The following DHX15 variants were observed in gnomAD, a reference collection of about 807,000 sequenced individuals.
The protein encoded by DHX15 is ATP-dependent RNA helicase DHX15.
In DHX15, 11 loss-of-function variants were observed where a neutral mutation model predicts 94.4. The ratio of observed to expected loss-of-function variants is 0.12; its 90% CI spans 0.07 to 0.19. The LOEUF (loss-of-function observed/expected upper bound fraction) is 0.19, where lower values mean the gene tolerates loss of function less well. Ranked by LOEUF, DHX15 falls within the 10% of genes least tolerant of loss-of-function variation. The pLI, the probability that DHX15 is intolerant of heterozygous loss-of-function variation, is 1.00. For missense variants in DHX15, 304 were observed against 988.5 expected (o/e 0.31, Z 9.29); for synonymous variants, 338 against 329.9 (o/e 1.02, Z -0.27).
At chr4:24,547,479 T>C (rs1721449592) in intron 6 of DHX15, among the ~76,000 whole-genome samples, 1 of 152,118 alleles carries the variant, frequency 6.6e-6, no homozygotes, top group Non-Finnish European at 1.5e-5. Context: ...CTGTAGTAAA[T>C]ATGGGCCCAT....
At chr4:24,547,007 C>T (rs1202593690) in intron 6 of DHX15, among the ~76,000 whole-genome samples, 4 of 152,148 alleles carry the variant, frequency 2.6e-5, no homozygotes, top group Non-Finnish European at 5.9e-5. Flanking sequence ...ATAAGCCAGG[C>T]TTGTATGAAA....
chr4:24,559,484 A>C (rs541422796), intron 3 of DHX15, among the ~76,000 whole-genome samples: 1 of 152,218 alleles, frequency 6.6e-6, no homozygotes, highest in East Asian at 1.9e-4. Context: ...AGAACTCAGG[A>C]AAGGCAGAAT....
chr4:24,572,582 T>C (rs1229142772), intron 2 of DHX15, among the ~76,000 whole-genome samples: 1 of 152,188 alleles, frequency 6.6e-6, no homozygotes, highest in Non-Finnish European at 1.5e-5. Context: ...TACTAATAAA[T>C]TTACTGTTAA....
In DHX15 at chr4:24,556,279, T is replaced by A; in HGVS notation, c.833A>T (p.Glu278Val). 1 of 1,613,732 alleles carries A rather than the reference T, an allele frequency of 6.2e-7. No homozygotes were observed. The highest frequency in any genetic ancestry group is 8.5e-7 in the Non-Finnish European group (1 of 1,179,740). The change falls in exon 4 of 14, where the codon GAA becomes GTA. Residue 278 changes from glutamate to valine, a missense_variant. Transcript: ENST00000336812. ...ATDILMGVLK[E>V]VVRQRSDLKV... ...TAAATCTGATCTCTGTCTTACAACTTCCTTCAGAACACCCATTAGAATATC... is the reference window on the plus strand; with the variant it reads ...TAAATCTGATCTCTGTCTTACAACTACCTTCAGAACACCCATTAGAATATC...
intron 5 of DHX15, among the ~76,000 whole-genome samples, chr4:24,549,298 A>C (rs1721533282): frequency 6.6e-6 from 1 of 152,234 alleles, no homozygotes; most frequent in African/African-American, 2.4e-5. Context: ...ATTAATTCTC[A>C]ACAAATTGTA....
intron 3 of DHX15, among the ~76,000 whole-genome samples, chr4:24,560,280 A>G (rs763151093): frequency 1.3e-5 from 2 of 151,912 alleles, no homozygotes; most frequent in Non-Finnish European, 2.9e-5. Context: ...TAAGCCTAAG[A>G]AAGGCAAAAA....
At chr4:24,561,488 G>T (rs1721871438) in intron 3 of DHX15, among the ~76,000 whole-genome samples, 1 of 152,122 alleles carries the variant, frequency 6.6e-6, no homozygotes, top group Non-Finnish European at 1.5e-5. Context: ...CTACCATAAT[G>T]ACACAGGCCT....
intron 3 of DHX15, among the ~76,000 whole-genome samples, chr4:24,570,166 G>A (rs917105372): frequency 6.0e-4 from 91 of 152,308 alleles, no homozygotes; most frequent in African/African-American, 2.0e-3. Context: ...CCTAGAGGCA[G>A]CTCTAACAGT....
intron 5 of DHX15, among the ~76,000 whole-genome samples, chr4:24,553,561 G>C (rs1036789729): frequency 6.6e-6 from 1 of 151,466 alleles, no homozygotes; most frequent in Non-Finnish European, 1.5e-5. Flanking sequence ...ATCACCTGAG[G>C]TCAGGAGTTC....
intron 11 of DHX15, among the ~76,000 whole-genome samples, chr4:24,535,010 A>G (rs1050471627): frequency 6.6e-6 from 1 of 151,666 alleles, no homozygotes; most frequent in Non-Finnish European, 1.5e-5. Flanking sequence ...TCAGTGATTA[A>G]AGGCTAAATC....
chr4:24,576,332 A>C lies in DHX15; in HGVS notation c.418T>G (p.Trp140Gly). The change falls in exon 2 of 14, where the codon TGG becomes GGG. Residue 140 changes from tryptophan to glycine, a missense_variant. Coordinates refer to ENST00000336812, the MANE Select transcript of DHX15 (RefSeq NM_001358.3). The part of the protein sequence containing the change: ...ILKKRLQLPV[W>G]EYKDRFTDIL... ...TCTGTAAACCTATCCTTGTATTCCC[A>C]AACAGGGAGCTGAAGACGTTTCTTT... The C allele has an allele frequency of 6.2e-7, 1 of 1,614,230 alleles. No homozygotes were observed. Among genetic ancestry groups the C allele is most frequent in the South Asian group, 1.1e-5 (1 of 91,086 alleles).
intron 10 of DHX15, 77 bp downstream of exon 10, chr4:24,540,031 T>TA: frequency 4.3e-6 from 5 of 1,166,974 alleles, no homozygotes; most frequent in Non-Finnish European, 5.8e-6. Context: ...TACTAAAAAT[T>TA]AAAAAACAAA....
At chr4:24,555,796 TAATA>T (rs1721727479) in intron 4 of DHX15, among the ~76,000 whole-genome samples, 1 of 152,132 alleles carries the variant, frequency 6.6e-6, no homozygotes, top group Admixed American at 6.5e-5. Context: ...AGGAAAGAAG[TAATA>T]CACGAGGGTA....
At chr4:24,582,247 T>G (rs899203893) in intron 1 of DHX15, among the ~76,000 whole-genome samples, 1 of 152,226 alleles carries the variant, frequency 6.6e-6, no homozygotes, top group Non-Finnish European at 1.5e-5. Flanking sequence ...CTACTATTTC[T>G]TATAACTTGG....
chr4:24,544,895 G>A (rs1657655905), intron 6 of DHX15, among the ~76,000 whole-genome samples: 1 of 151,930 alleles, frequency 6.6e-6, no homozygotes, highest in South Asian at 2.1e-4. Context: ...GATTATTTGA[G>A]TCCAGGAGTT....
intron 6 of DHX15, 47 bp downstream of exon 6, chr4:24,548,808 T>C (rs35768649): frequency 1.3e-6 from 2 of 1,550,158 alleles, no homozygotes; most frequent in Admixed American, 3.6e-5. Flanking sequence ...TTATATCTCA[T>C]AAATCATTAT....
chr4:24,545,817 T>C (rs757053704), intron 6 of DHX15, among the ~76,000 whole-genome samples: 7 of 152,190 alleles, frequency 4.6e-5, no homozygotes, highest in East Asian at 1.9e-4. Context: ...ATCAATATAA[T>C]TGTTACATGC....
chr4:24,557,320 C>A lies in DHX15; in HGVS notation c.702-910G>T, dbSNP rs146208315. Among the ~76,000 whole-genome samples, 542 of 152,208 alleles carry A rather than the reference C, an allele frequency of 3.6e-3. 2 individuals carry two copies. Among genetic ancestry groups the A allele is most frequent in the African/African-American group, 0.012 (515 of 41,514 alleles). On this transcript the variant is annotated intron_variant, in intron 3 of 13. Coordinates refer to ENST00000336812, the MANE Select transcript of DHX15 (RefSeq NM_001358.3). ...TTTAGATGCTTAAGTCACAGCTCAT[C>A]CAGTTAGATAAAAACCCATTATTTT...
At chr4:24,548,140 CTTTTTTT>C (rs71196189) in intron 6 of DHX15, among the ~76,000 whole-genome samples, 54 of 108,176 alleles carry the variant, frequency 5.0e-4, no homozygotes, top group African/African-American at 1.5e-3. Flanking sequence ...ATCAGTGCTA[CTTTTTTT>C]TTTTTTTTTT....
Sources: gnomAD v4.1 joint callset for allele counts (sites outside exome capture counted in the v4.1 genomes callset) on GRCh38, gnomAD v4.1.1 for gene constraint, MANE v1.5 for transcripts, NCBI Gene and HGNC (gene_info 2026-07-23, HGNC 2026-07-21) for gene names.